ADGRL3: variants seen among roughly 807,000 people sequenced by gnomAD.
The protein encoded by ADGRL3 is adhesion G protein-coupled receptor L3, also known as calcium-independent alpha-latrotoxin receptor 3.
ADGRL3 carries 62 observed loss-of-function variants against 153.5 expected under a neutral mutation model. That is an observed-to-expected ratio of 0.40 (90% CI 0.33 to 0.50). ADGRL3 has a LOEUF of 0.50. Ranked by LOEUF, ADGRL3 falls within the 20% of genes least tolerant of loss-of-function variation. ADGRL3 has a pLI of 0.47. For missense variants in ADGRL3, 1,641 were observed against 1,859.4 expected, an observed-to-expected ratio of 0.88 and a Z score of 2.16; for synonymous variants, 710 against 672.5, an observed-to-expected ratio of 1.06 and a Z score of -0.86.
intron 11 of ADGRL3, among the ~76,000 whole-genome samples, chr4:61,896,206 A>T (rs2098630619): frequency 6.6e-6 from 1 of 152,218 alleles, no homozygotes; most frequent in Non-Finnish European, 1.5e-5. Context: ...TTGGAATCTT[A>T]AGCCATCTGA....
intron 1 of ADGRL3, among the ~76,000 whole-genome samples, chr4:61,223,399 C>A (rs1423051305): frequency 1.3e-5 from 2 of 152,140 alleles, no homozygotes; most frequent in Non-Finnish European, 2.9e-5. Context: ...GAGAGTGATG[C>A]AAAATTGTTT....
chr4:61,352,105 G>A (rs1258613849), intron 1 of ADGRL3, among the ~76,000 whole-genome samples: 1 of 152,136 alleles, frequency 6.6e-6, no homozygotes, highest in African/African-American at 2.4e-5. Context: ...ATTAACAGGA[G>A]TTTGGAAGAA....
chr4:61,473,684 C>T (rs1236778330), intron 2 of ADGRL3, among the ~76,000 whole-genome samples: 1 of 151,734 alleles, frequency 6.6e-6, no homozygotes, highest in African/African-American at 2.4e-5. Flanking sequence ...GTATTTACTC[C>T]TATTATCTGT....
At chr4:61,743,574 T>G (rs2096611599) in intron 8 of ADGRL3, among the ~76,000 whole-genome samples, 1 of 152,196 alleles carries the variant, frequency 6.6e-6, no homozygotes, top group Non-Finnish European at 1.5e-5. Context: ...TGGCAAATCT[T>G]TCAATATCTA....
intron 5 of ADGRL3, among the ~76,000 whole-genome samples, chr4:61,640,388 C>G (rs749759154): frequency 2.0e-5 from 3 of 152,096 alleles, no homozygotes; most frequent in Non-Finnish European, 2.9e-5. Flanking sequence ...CATGTTGCCC[C>G]AAAGATCCCT....
chr4:61,766,984 CTG>C (rs1457148496), intron 8 of ADGRL3, among the ~76,000 whole-genome samples: 3 of 152,002 alleles, frequency 2.0e-5, no homozygotes, highest in Admixed American at 1.3e-4. Flanking sequence ...AAAGGCCATG[CTG>C]TAGCAGGCGA....
At chr4:61,298,379 C>T (rs1238963658) in intron 1 of ADGRL3, among the ~76,000 whole-genome samples, 1 of 152,126 alleles carries the variant, frequency 6.6e-6, no homozygotes, top group Non-Finnish European at 1.5e-5. Context: ...GCTGCTTGCT[C>T]AATTGTGCCG....
chr4:61,450,124 C>T (rs1327138997), intron 2 of ADGRL3, among the ~76,000 whole-genome samples: 1 of 152,114 alleles, frequency 6.6e-6, no homozygotes, highest in Non-Finnish European at 1.5e-5. Context: ...TACAGTCACT[C>T]AACCAAAGGT....
At chr4:61,485,699 G>A (rs2098183529) in intron 2 of ADGRL3, among the ~76,000 whole-genome samples, 2 of 152,232 alleles carry the variant, frequency 1.3e-5, no homozygotes, top group South Asian at 2.1e-4. Context: ...AGTTGGAATA[G>A]GATGAATTTG....
In ADGRL3 at chr4:61,794,771, A is replaced by G. The variant is rs532705449; in HGVS notation, c.1400-19038A>G. Among the ~76,000 whole-genome samples the G allele has an allele frequency of 2.0e-5, 3 of 152,328 alleles. No homozygotes were observed. In the South Asian group the frequency reaches 6.2e-4, roughly 32 times the overall value. On this transcript the variant is annotated intron_variant, in intron 8 of 26. Coordinates refer to ENST00000683033, the MANE Select transcript of ADGRL3 (RefSeq NM_001387552.1). ...AGTGTTGTAAGAGTCACTACCTCAT[A>G]TGTAAGTTTTAAGCCTAAATGAGGT...
At chr4:61,894,581 A>G (rs937093698) in intron 10 of ADGRL3, among the ~76,000 whole-genome samples, 2 of 152,152 alleles carry the variant, frequency 1.3e-5, no homozygotes, top group Non-Finnish European at 2.9e-5. Context: ...AGATTAGTGA[A>G]ACACTTTATT....
chr4:61,923,135 G>T (rs1389303406), intron 13 of ADGRL3, among the ~76,000 whole-genome samples: 2 of 152,116 alleles, frequency 1.3e-5, no homozygotes, highest in Non-Finnish European at 2.9e-5. Flanking sequence ...CTGAAGCAGT[G>T]GGTTGAGGGA....
chr4:61,303,348 G>C (rs1352599705), intron 1 of ADGRL3, among the ~76,000 whole-genome samples: 1 of 152,108 alleles, frequency 6.6e-6, no homozygotes, highest in Non-Finnish European at 1.5e-5. Flanking sequence ...AGGTTGTAAA[G>C]ATTGATGACT....
chr4:61,342,133 T>C (rs946676044), intron 1 of ADGRL3, among the ~76,000 whole-genome samples: 14 of 152,140 alleles, frequency 9.2e-5, no homozygotes, highest in Non-Finnish European at 1.8e-4. Flanking sequence ...TTTTTATACA[T>C]TTAGCCGGCA....
At chr4:61,930,625 G>T (rs2098813909) in intron 13 of ADGRL3, among the ~76,000 whole-genome samples, 1 of 151,910 alleles carries the variant, frequency 6.6e-6, no homozygotes, top group African/African-American at 2.4e-5. Flanking sequence ...TTTGCCTAAG[G>T]TCTGAATTTA....
chr4:61,678,752 C>T (rs1383616790), intron 6 of ADGRL3, among the ~76,000 whole-genome samples: 1 of 151,986 alleles, frequency 6.6e-6, no homozygotes, highest in East Asian at 1.9e-4. Context: ...CAGTTATACT[C>T]ACTTGCCAGT....
chr4:61,588,311 A>G (rs745680760), intron 5 of ADGRL3, among the ~76,000 whole-genome samples: 9 of 151,960 alleles, frequency 5.9e-5, no homozygotes, highest in Admixed American at 1.3e-4. Flanking sequence ...TTGAAGTCTA[A>G]AGACAAAAAC....
chr4:61,950,043 T>A (rs2098941175), intron 17 of ADGRL3, among the ~76,000 whole-genome samples: 1 of 152,184 alleles, frequency 6.6e-6, no homozygotes, highest in Admixed American at 6.5e-5. Context: ...TCATTAAAAT[T>A]TTTCACTATT....
At chr4:61,576,684 TG>T (rs1461779083) in intron 4 of ADGRL3, among the ~76,000 whole-genome samples, 2 of 151,194 alleles carry the variant, frequency 1.3e-5, no homozygotes, top group Admixed American at 6.6e-5. Flanking sequence ...ATTTGATTTT[TG>T]TAAGCAGCAT....
Sources: allele counts gnomAD v4.1 joint callset (sites outside exome capture counted in the v4.1 genomes callset), GRCh38; gene constraint gnomAD v4.1.1; transcripts MANE v1.5; gene names NCBI Gene and HGNC (gene_info 2026-07-23, HGNC 2026-07-21).